Variants in MEGF11 observed in about 807,000 individuals in gnomAD.
The protein encoded by MEGF11 is multiple epidermal growth factor-like domains protein 11.
In MEGF11, 126 loss-of-function variants were observed where a neutral mutation model predicts 146.6. The observed-to-expected ratio is 0.86, with a 90% CI of 0.74 to 1.00. The LOEUF (loss-of-function observed/expected upper bound fraction) is 1.00, where lower values mean the gene tolerates loss of function less well. Among genes scored for constraint, MEGF11 ranks in the 50% least tolerant of loss-of-function variants. The pLI is 0.00. For missense variants in MEGF11, 1,509 were observed against 1,521.2 expected, an observed-to-expected ratio of 0.99 and a Z score of 0.13; for synonymous variants, 532 against 583.4, an observed-to-expected ratio of 0.91 and a Z score of 1.27.
At chr15:66,023,141 A>T (rs2083211735) in intron 5 of MEGF11, among the ~76,000 whole-genome samples, 1 of 2,194 alleles carries the variant, frequency 4.6e-4, no homozygotes, top group African/African-American at 6.4e-4. Context: ...ACTCCATCTC[A>T]AAAAAAAAAA....
At chr15:66,107,054 A>ACCCCCCCCCCCCCCC (rs35937464) in intron 4 of MEGF11, among the ~76,000 whole-genome samples, 1 of 132,434 alleles carries the variant, frequency 7.6e-6, no homozygotes, top group African/African-American at 2.9e-5. Context: ...TTATATTCCT[A>ACCCCCCCCCCCCCCC]CCCCCCCACC....
intron 5 of MEGF11, among the ~76,000 whole-genome samples, chr15:66,045,853 A>G (rs1388088393): frequency 6.6e-6 from 1 of 152,158 alleles, no homozygotes; most frequent in African/African-American, 2.4e-5. Flanking sequence ...CTGTAATCCC[A>G]GCACTTTGGG....
rs554198500 is a variant in MEGF11, at chr15:66,127,992, C to T, written c.98+314G>A. Among the ~76,000 whole-genome samples, 6 of 152,372 alleles carry T rather than the reference C, an allele frequency of 3.9e-5. No individual in the cohort carries two copies. In the South Asian group the frequency reaches 1.2e-3, roughly 32 times the overall value. On this transcript the variant is annotated intron_variant, in intron 2 of 25. Transcript: ENST00000395614. ...CCGCATCCCCCCACTTACTGCACCC[C>T]ATCTGGCTGTGGACAGGGACTGAGC... is the stretch of plus-strand genomic sequence containing the variant.
Position 65,980,910 on chromosome 15 carries a change from A to G in MEGF11, c.642-12T>C. On this transcript the variant is annotated splice_polypyrimidine_tract_variant and intron_variant, in intron 6 of 25. Coordinates refer to ENST00000395614, the MANE Select transcript of MEGF11 (RefSeq NM_001385028.1). ...ACAGCTCCTCGCAGCTGCATGGAGAAGCAGAGGTGTTAGACACAGCAGCAT... is the reference window on the plus strand; with the variant it reads ...ACAGCTCCTCGCAGCTGCATGGAGAGGCAGAGGTGTTAGACACAGCAGCAT... The G allele has an allele frequency of 6.4e-7, 1 of 1,566,484 alleles. No homozygotes were observed. Among genetic ancestry groups the G allele is most frequent in the Non-Finnish European group, 8.6e-7 (1 of 1,157,562 alleles).
intron 5 of MEGF11, among the ~76,000 whole-genome samples, chr15:65,990,791 C>T (rs984807981): frequency 6.6e-6 from 1 of 152,026 alleles, no homozygotes; most frequent in African/African-American, 2.4e-5. Context: ...TCTTCAAGTC[C>T]CAATGCTGTG....
chr15:66,061,427 T>C (rs887516662), intron 5 of MEGF11, among the ~76,000 whole-genome samples: 2 of 150,788 alleles, frequency 1.3e-5, no homozygotes, highest in Non-Finnish European at 2.9e-5. Context: ...CTTGTTCACT[T>C]CCATTTCTCT....
Position 66,094,427 on chromosome 15 carries a change from G to A in MEGF11, c.369C>T (p.Gly123=). The change falls in exon 5 of 26, where the codon GGC becomes GGT. Residue 123 remains glycine, a synonymous_variant. Transcript: ENST00000395614. ...VSPDTCHCEP[G]WGGPDCSSGC... is the part of the protein sequence containing the mutation. ...CGCTGGAGCAGTCGGGCCCTCCCCAGCCAGGCTCGCAGTGGCAGGTGTCCG... is the reference window on the plus strand; with the variant it reads ...CGCTGGAGCAGTCGGGCCCTCCCCAACCAGGCTCGCAGTGGCAGGTGTCCG... 6.4e-7 allele frequency: 1 copy of A among 1,562,374 alleles called. No homozygotes were observed. Among genetic ancestry groups the A allele is most frequent in the East Asian group, 2.4e-5 (1 of 42,072 alleles).
chr15:66,235,255 C>A (rs897171391), intron 1 of MEGF11, among the ~76,000 whole-genome samples: 1 of 152,114 alleles, frequency 6.6e-6, no homozygotes, highest in African/African-American at 2.4e-5. Context: ...GTAATCCCAG[C>A]AATTTGGGAG....
At chr15:66,108,011 C>G (rs2087181476) in intron 4 of MEGF11, among the ~76,000 whole-genome samples, 1 of 152,108 alleles carries the variant, frequency 6.6e-6, no homozygotes, top group African/African-American at 2.4e-5. Context: ...ATGTTAGGCT[C>G]CACACTGAGT....
intron 7 of MEGF11, among the ~76,000 whole-genome samples, chr15:65,974,354 A>G (rs1310009814): frequency 6.6e-6 from 1 of 152,106 alleles, no homozygotes; most frequent in African/African-American, 2.4e-5. Context: ...TGTGTGAGAA[A>G]AGGGGAGAGA....
chr15:65,926,265 G>A (rs899804703), intron 13 of MEGF11, among the ~76,000 whole-genome samples: 1 of 152,206 alleles, frequency 6.6e-6, no homozygotes, highest in Non-Finnish European at 1.5e-5. Flanking sequence ...TGGCCCTAAT[G>A]TCCTGAGACC....
rs1341500169 is a variant in MEGF11 at position 65,916,142 on chromosome 15, G to A, written c.2344+6C>T. 1.3e-6 allele frequency: 2 copies of A among 1,585,714 alleles called. No homozygotes were observed. Among genetic ancestry groups the A allele is most frequent in the Non-Finnish European group, 1.7e-6 (2 of 1,164,574 alleles). On this transcript the variant is annotated splice_donor_region_variant and intron_variant, in intron 18 of 25. Coordinates refer to ENST00000395614, the MANE Select transcript of MEGF11 (RefSeq NM_001385028.1). Reference sequence around the variant, plus strand: ...TCACCCAGGATCAGGGGTCAGGGCAGCTTACTCTGCTCACAGTGTTGCCCG... The same window carrying A: ...TCACCCAGGATCAGGGGTCAGGGCAACTTACTCTGCTCACAGTGTTGCCCG...
chr15:66,160,703 A>ACC (rs1378129141), intron 1 of MEGF11, among the ~76,000 whole-genome samples: 1 of 149,898 alleles, frequency 6.7e-6, no homozygotes, highest in Non-Finnish European at 1.5e-5. Context: ...ACACACACAC[A>ACC]CACCCTTGCC....
intron 1 of MEGF11, among the ~76,000 whole-genome samples, chr15:66,221,537 C>T (rs1321765912): frequency 6.6e-6 from 1 of 151,022 alleles, no homozygotes; most frequent in Non-Finnish European, 1.5e-5. Flanking sequence ...TCAGACCATA[C>T]CACCCTCCCC....
At chr15:66,169,915 A>G (rs1279741465) in intron 1 of MEGF11, among the ~76,000 whole-genome samples, 1 of 152,142 alleles carries the variant, frequency 6.6e-6, no homozygotes, top group Non-Finnish European at 1.5e-5. Flanking sequence ...CTGCCATCCC[A>G]GGAACTGGGC....
intron 10 of MEGF11, among the ~76,000 whole-genome samples, chr15:65,941,439 C>T (rs1273547387): frequency 2.0e-5 from 3 of 151,074 alleles, no homozygotes; most frequent in Non-Finnish European, 3.0e-5. Context: ...CAAAGTGAGA[C>T]TCCATCTCAA....
At chr15:66,081,484 T>G (rs973324824) in intron 5 of MEGF11, among the ~76,000 whole-genome samples, 1 of 152,218 alleles carries the variant, frequency 6.6e-6, no homozygotes, top group Non-Finnish European at 1.5e-5. Flanking sequence ...GTTCAAGCTA[T>G]TCTCCTGCCT....
chr15:65,932,731 G>A (rs993656552), intron 10 of MEGF11, among the ~76,000 whole-genome samples: 1 of 152,038 alleles, frequency 6.6e-6, no homozygotes, highest in Non-Finnish European at 1.5e-5. Flanking sequence ...CCCCACTTAG[G>A]AACCTACTGT....
At chr15:66,001,428 G>C (rs413233) in intron 5 of MEGF11, among the ~76,000 whole-genome samples, 1 of 152,170 alleles carries the variant, frequency 6.6e-6, no homozygotes, top group Non-Finnish European at 1.5e-5. Context: ...CTGTACTCCA[G>C]AGCCGGGTAG....
Sources: gnomAD v4.1 joint callset for allele counts (sites outside exome capture counted in the v4.1 genomes callset) on GRCh38, gnomAD v4.1.1 for gene constraint, MANE v1.5 for transcripts, NCBI Gene and HGNC (gene_info 2026-07-23, HGNC 2026-07-21) for gene names.